The following CD96 variants were observed in gnomAD, a reference collection of about 807,000 sequenced individuals.
CD96 encodes the protein T-cell surface protein tactile.
A neutral mutation model predicts 71.3 loss-of-function variants in CD96; 70 were observed. That is an observed-to-expected ratio of 0.98 (90% CI 0.81 to 1.20). The LOEUF (loss-of-function observed/expected upper bound fraction) is 1.20, where lower values mean the gene tolerates loss of function less well. Among genes scored for constraint, CD96 ranks in the 50% most tolerant of loss-of-function variants. The probability of loss-of-function intolerance (pLI) is 0.00; values close to 1 mark genes in which losing one functional copy is unlikely to be tolerated. For synonymous variants in CD96, 248 were observed against 233.0 expected (o/e 1.06, Z -0.59); for missense variants, 742 against 677.5 (o/e 1.10, Z -1.06).
At chr3:111,629,876 C>A (rs1039532046) in intron 10 of CD96, among the ~76,000 whole-genome samples, 1 of 152,122 alleles carries the variant, frequency 6.6e-6, no homozygotes, top group African/African-American at 2.4e-5. Context: ...CAAAACCATA[C>A]AACTACATAA....
At chr3:111,659,631 A>G (rs1481879994) in intron 14 of CD96, among the ~76,000 whole-genome samples, 1 of 152,198 alleles carries the variant, frequency 6.6e-6, no homozygotes, top group Non-Finnish European at 1.5e-5. Flanking sequence ...AATTTCCAAA[A>G]ATATTAGCAA....
chr3:111,644,136 C>T (rs1193988148), intron 12 of CD96, among the ~76,000 whole-genome samples: 1 of 152,034 alleles, frequency 6.6e-6, no homozygotes, highest in Non-Finnish European at 1.5e-5. Flanking sequence ...ATAAAATACG[C>T]ACATAGACCA....
chr3:111,567,419 G>A, intron 2 of CD96, 104 bp from the exon 3 acceptor site: 1 of 879,816 alleles, frequency 1.1e-6, no homozygotes. Flanking sequence ...GTACCCTGAG[G>A]ACAGATGAAT....
intron 2 of CD96, among the ~76,000 whole-genome samples, chr3:111,560,160 C>A (rs1472247214): frequency 4.6e-5 from 7 of 151,592 alleles, no homozygotes; most frequent in Admixed American, 2.0e-4. Context: ...GACTCTTTAT[C>A]CAATTTGCCA....
chr3:111,578,917 A>G (rs539164500), intron 3 of CD96, 110 bp from the exon 4 acceptor site: 4 of 737,936 alleles, frequency 5.4e-6, no homozygotes, highest in Non-Finnish European at 1.0e-5. Context: ...TCAATCCTTC[A>G]TTCTTCCTCT....
chr3:111,594,502 C>A (rs372666777), intron 5 of CD96: 12 of 312,690 alleles, frequency 3.8e-5, no homozygotes, highest in African/African-American at 2.1e-4. Context: ...GTTCCTGTAG[C>A]AAAGGGGTTC....
At position 111,545,353 on chromosome 3, in the gene CD96, T is replaced by C. The variant is rs986692500; in HGVS notation, c.369T>C (p.Tyr123=). 2.9e-5 allele frequency: 47 copies of C among 1,613,786 alleles called. No individual in the cohort carries two copies. Among genetic ancestry groups the C allele is most frequent in the Non-Finnish European group, 3.6e-5 (43 of 1,179,784 alleles). Residue 123 remains tyrosine, a synonymous_variant, in exon 2 of 14, where the codon TAT becomes TAC. Coordinates refer to ENST00000352690, the MANE Select transcript of CD96 (RefSeq NM_005816.5). ...GGTACGAGTGTATGCTTGTTCTGTA[T>C]CCAGAGGGCATTCAGACTAAAATCT... The part of the protein sequence containing the change: ...SGRYECMLVL[Y]PEGIQTKIYN...
intron 11 of CD96, 59 bp downstream of exon 11, chr3:111,637,320 C>T: frequency 1.1e-6 from 1 of 927,378 alleles, no homozygotes; most frequent in Admixed American, 1.7e-5. Context: ...TATTTGGACA[C>T]AGGTGTAAAA....
chr3:111,593,596 G>C, intron 5 of CD96: 1 of 1,558,060 alleles, frequency 6.4e-7, no homozygotes. Flanking sequence ...TCTCCCGCTG[G>C]CATGCCTCCT....
chr3:111,617,084 G>A (rs544017671), intron 8 of CD96, among the ~76,000 whole-genome samples: 2 of 152,298 alleles, frequency 1.3e-5, no homozygotes, highest in African/African-American at 4.8e-5. Context: ...CCCCACCTTG[G>A]CCCCCTCCAG....
downstream of CD96, among the ~76,000 whole-genome samples, chr3:111,656,882 G>A (rs1422064754): frequency 6.6e-6 from 1 of 152,044 alleles, no homozygotes; most frequent in Non-Finnish European, 1.5e-5. Context: ...GAGTTGAGGG[G>A]TAAAGAAGGA....
intron 2 of CD96, among the ~76,000 whole-genome samples, chr3:111,551,122 G>C (rs1470619097): frequency 6.6e-6 from 1 of 152,182 alleles, no homozygotes; most frequent in Non-Finnish European, 1.5e-5. Context: ...AAAGACCAAT[G>C]AGGTTGGAGA....
At chr3:111,556,849 C>T (rs1452521004) in intron 2 of CD96, among the ~76,000 whole-genome samples, 1 of 150,982 alleles carries the variant, frequency 6.6e-6, no homozygotes, top group Non-Finnish European at 1.5e-5. Flanking sequence ...TGTTTCTCCA[C>T]ATCCTCTCCA....
chr3:111,613,398 T>A (rs1375262706), intron 8 of CD96, among the ~76,000 whole-genome samples: 1 of 152,158 alleles, frequency 6.6e-6, no homozygotes, highest in East Asian at 1.9e-4. Context: ...CCCCAAACAA[T>A]CTGCCTCCCA....
intron 4 of CD96, among the ~76,000 whole-genome samples, chr3:111,581,145 T>C (rs1035824619): frequency 1.3e-5 from 2 of 152,228 alleles, no homozygotes; most frequent in Non-Finnish European, 2.9e-5. Flanking sequence ...TACATTTCTC[T>C]TGTTTCTTCT....
In CD96 at chr3:111,650,813, G is replaced by A. The variant is rs756975622; in HGVS notation, c.*1007G>A. 11 of 152,338 alleles carry A rather than the reference G, an allele frequency of 7.2e-5. No individual in the cohort carries two copies. The East Asian group carries it at 7.7e-4, about 11-fold the overall frequency. The allele number at this position is 152,338 out of a possible 1,614,324, so 9.4% of individuals were successfully genotyped here. ...AGAGAAGAAACCTAGTCAGCCAGACGTGCTCTGTATTCAGCAATAGTTTGT... is the reference window on the plus strand; with the variant it reads ...AGAGAAGAAACCTAGTCAGCCAGACATGCTCTGTATTCAGCAATAGTTTGT... On this transcript the variant is annotated 3_prime_UTR_variant, in exon 14 of 14. Coordinates refer to ENST00000352690, the MANE Select transcript of CD96 (RefSeq NM_005816.5).
At chr3:111,654,546 G>A (rs921228541), downstream of CD96, among the ~76,000 whole-genome samples, 2 of 152,184 alleles carry the variant, frequency 1.3e-5, no homozygotes, top group Non-Finnish European at 2.9e-5. Context: ...TCCAATCTCT[G>A]TTATCCAAAT....
chr3:111,593,835 C>T, intron 5 of CD96: 4 of 1,614,092 alleles, frequency 2.5e-6, no homozygotes, highest in South Asian at 1.1e-5. Flanking sequence ...GGCCTTGGAT[C>T]CTGGCGCTGC....
intron 2 of CD96, among the ~76,000 whole-genome samples, chr3:111,550,585 G>A (rs753584931): frequency 3.3e-5 from 5 of 151,556 alleles, no homozygotes; most frequent in East Asian, 1.9e-4. Flanking sequence ...GGACTACCCC[G>A]ATATTGAAAA....
Sources: allele counts gnomAD v4.1 joint callset (sites outside exome capture counted in the v4.1 genomes callset), GRCh38; gene constraint gnomAD v4.1.1; transcripts MANE v1.5; gene names NCBI Gene and HGNC (gene_info 2026-07-23, HGNC 2026-07-21).